The following WASF1 variants were observed in gnomAD, a reference collection of about 807,000 sequenced individuals.
The protein encoded by WASF1 is WASP family member 1.
WASF1 carries 7 observed loss-of-function variants against 50.5 expected under a neutral mutation model. The observed-to-expected ratio is 0.14, with a 90% CI of 0.08 to 0.26. The LOEUF (loss-of-function observed/expected upper bound fraction) is 0.26. Ranked by LOEUF, WASF1 falls within the 10% of genes least tolerant of loss-of-function variation. The probability of loss-of-function intolerance (pLI) is 1.00; values close to 1 mark genes in which losing one functional copy is unlikely to be tolerated. For missense variants in WASF1, 470 were observed against 694.7 expected, an observed-to-expected ratio of 0.68 and a Z score of 3.64; for synonymous variants, 205 against 244.0, an observed-to-expected ratio of 0.84 and a Z score of 1.49.
chr6:110,108,508 C>CTATT lies in WASF1; in HGVS notation c.422+16_422+19dup. The CTATT allele has an allele frequency of 6.3e-7, 1 of 1,582,614 alleles. No individual in the cohort carries two copies. Among genetic ancestry groups the CTATT allele is most frequent in the Non-Finnish European group, 8.6e-7 (1 of 1,161,724 alleles). ...AAGTCTGAGATAAATAATAGGGCTA[C>CTATT]TATTTATTAACCTACCTACCTATAA... is the stretch of plus-strand genomic sequence containing the variant. On this transcript the variant is annotated intron_variant, in intron 6 of 10. Transcript: ENST00000392589.
chr6:110,103,137 A>G (rs1191505486), intron 9 of WASF1, among the ~76,000 whole-genome samples: 1 of 152,146 alleles, frequency 6.6e-6, no homozygotes, highest in African/African-American at 2.4e-5. Flanking sequence ...AAGATTACAA[A>G]TAATGTCCCA....
intron 3 of WASF1, among the ~76,000 whole-genome samples, chr6:110,150,212 A>G (rs1775762973): frequency 6.6e-6 from 1 of 152,194 alleles, no homozygotes; most frequent in Non-Finnish European, 1.5e-5. Context: ...AATAGAAAAG[A>G]AGTAAAATAG....
intron 1 of WASF1, among the ~76,000 whole-genome samples, chr6:110,179,059 T>A (rs1777075935): frequency 6.6e-6 from 1 of 152,248 alleles, no homozygotes; most frequent in Non-Finnish European, 1.5e-5. Context: ...GGATTCTCTG[T>A]CGCCCGGGGC....
chr6:110,127,677 C>G, intron 3 of WASF1, 48 bp from the exon 4 acceptor site: 1 of 1,394,992 alleles, frequency 7.2e-7, no homozygotes, highest in Non-Finnish European at 9.4e-7. Flanking sequence ...TCAGCCAACA[C>G]AGAATGAGAC....
At position 110,102,243 on chromosome 6, in the gene WASF1, G is replaced by A. The variant is rs747824490; in HGVS notation, c.894-27C>T. On this transcript the variant is annotated intron_variant, in intron 9 of 10. Transcript: ENST00000392589. ...TGAAATGACAAAGAGATTCTAGCAA[G>A]TTATTAAAAGAGAAAAGCCTAAAGA... 29 of 1,358,440 alleles carry A rather than the reference G, an allele frequency of 2.1e-5. No homozygotes were observed. In the African/African-American group the frequency reaches 4.0e-4, roughly 19 times the overall value. The allele number at this position is 1,358,440 out of a possible 1,614,324, so 84.1% of individuals were successfully genotyped here. A position where few individuals can be genotyped will look rare whatever the true frequency, so the allele number is the denominator to read the frequency against.
Position 110,109,806 on chromosome 6 carries a change from C to T in WASF1, c.269-1125G>A, listed in dbSNP as rs144840912. Among the ~76,000 whole-genome samples the T allele has an allele frequency of 1.8e-4, 28 of 151,858 alleles. No individual in the cohort carries two copies. In the East Asian group the frequency reaches 3.9e-3, roughly 21 times the overall value. On this transcript the variant is annotated intron_variant, in intron 5 of 10. Transcript: ENST00000392589. The stretch of plus-strand genomic sequence containing the variant: ...TGAACTCCTGACCTCATGATCTGCC[C>T]GCCTCAGCCTCCCAAAGTGATGGGA...
In WASF1 at chr6:110,100,416, A is replaced by T; in HGVS notation, c.*106T>A. 9.2e-7 allele frequency: 1 copy of T among 1,084,708 alleles called. No individual in the cohort carries two copies. Among genetic ancestry groups the T allele is most frequent in the Non-Finnish European group, 1.2e-6 (1 of 801,602 alleles). 67.2% of individuals were successfully genotyped at this position (1,084,708 alleles called of 1,614,324 possible). A position where few individuals can be genotyped will look rare whatever the true frequency, so the allele number is the denominator to read the frequency against. On this transcript the variant is annotated 3_prime_UTR_variant, in exon 11 of 11. Transcript: ENST00000392589. ...TTATGGAGGAAAAGGGTCATTTATT[A>T]TAAGGAAAAGAAAGCAAAACACTAG... is the stretch of plus-strand genomic sequence containing the variant.
intron 8 of WASF1, among the ~76,000 whole-genome samples, chr6:110,105,021 A>G (rs764960534): frequency 2.6e-5 from 4 of 152,162 alleles, no homozygotes; most frequent in African/African-American, 4.8e-5. Context: ...AACAAAACAG[A>G]ACCCCTTCTT....
intron 2 of WASF1, among the ~76,000 whole-genome samples, chr6:110,166,753 A>G (rs181824872): frequency 1.7e-4 from 26 of 152,072 alleles, no homozygotes; most frequent in African/African-American, 6.3e-4. Context: ...CAAACTGTGC[A>G]AAGAATCTTA....
rs1341701331 is a variant in WASF1 at position 110,139,547 on chromosome 6, C to T, written c.-28-11918G>A. Among the ~76,000 whole-genome samples, 3 of 152,202 alleles carry T rather than the reference C, an allele frequency of 2.0e-5. No individual in the cohort carries two copies. In the East Asian group the frequency reaches 5.8e-4, roughly 29 times the overall value. On this transcript the variant is annotated intron_variant, in intron 3 of 10. Transcript: ENST00000392589. ...CTGAATGGCTATTCCCAGCTTTTTG[C>T]TTGAATAAACTCTTTAAACTGGATT... is the stretch of plus-strand genomic sequence containing the variant.
At chr6:110,163,632 C>T (rs1189475938) in intron 2 of WASF1, among the ~76,000 whole-genome samples, 1 of 151,456 alleles carries the variant, frequency 6.6e-6, no homozygotes, top group Non-Finnish European at 1.5e-5. Flanking sequence ...TAAGAAAACT[C>T]AATATTGTCA....
chr6:110,122,239 CAA>C (rs55836821), intron 4 of WASF1, among the ~76,000 whole-genome samples: 20 of 114,082 alleles, frequency 1.8e-4, no homozygotes, highest in Admixed American at 2.7e-4. Flanking sequence ...AAATGGAATC[CAA>C]AAAAAAAAAA....
chr6:110,162,899 T>C (rs930446162), intron 2 of WASF1, among the ~76,000 whole-genome samples: 2 of 151,582 alleles, frequency 1.3e-5, no homozygotes, highest in African/African-American at 4.8e-5. Context: ...TCTTAGTTAA[T>C]ACAAGAGAAG....
At chr6:110,166,254 C>T (rs1776473130) in intron 2 of WASF1, among the ~76,000 whole-genome samples, 1 of 151,348 alleles carries the variant, frequency 6.6e-6, no homozygotes, top group Non-Finnish European at 1.5e-5. Flanking sequence ...AAAAAAATGC[C>T]CTACAATAAT....
At chr6:110,149,606 C>T (rs1584003807) in intron 3 of WASF1, among the ~76,000 whole-genome samples, 1 of 151,972 alleles carries the variant, frequency 6.6e-6, no homozygotes, top group Admixed American at 6.6e-5. Flanking sequence ...AGCAAACTTA[C>T]CTGAAAAAGC....
intron 4 of WASF1, among the ~76,000 whole-genome samples, chr6:110,114,056 T>C (rs746797523): frequency 8.5e-5 from 13 of 152,218 alleles, no homozygotes; most frequent in Non-Finnish European, 1.6e-4. Flanking sequence ...AATACTGTAT[T>C]ACTGTAACAA....
intron 8 of WASF1, 95 bp downstream of exon 8, chr6:110,105,312 T>G: frequency 1.6e-6 from 2 of 1,244,990 alleles, no homozygotes; most frequent in Non-Finnish European, 2.2e-6. Flanking sequence ...AGGGTCTGCC[T>G]GTTCAACAGT....
intron 2 of WASF1, among the ~76,000 whole-genome samples, chr6:110,176,592 T>G (rs1036297844): frequency 8.5e-5 from 13 of 152,106 alleles, no homozygotes; most frequent in African/African-American, 1.7e-4. Context: ...AATGTTTCAC[T>G]AAATATATTA....
intron 3 of WASF1, among the ~76,000 whole-genome samples, chr6:110,128,807 T>C (rs1266247004): frequency 5.3e-5 from 8 of 152,126 alleles, no homozygotes; most frequent in Admixed American, 5.2e-4. Flanking sequence ...TGAGCAAGCA[T>C]TACTGCCTGA....
Sources: allele counts gnomAD v4.1 joint callset (sites outside exome capture counted in the v4.1 genomes callset), GRCh38; gene constraint gnomAD v4.1.1; transcripts MANE v1.5; gene names NCBI Gene and HGNC (gene_info 2026-07-23, HGNC 2026-07-21).